The following MRC1 variants were observed in gnomAD, a reference collection of about 807,000 sequenced individuals.
MRC1 encodes the protein macrophage mannose receptor 1.
A neutral mutation model predicts 102.9 loss-of-function variants in MRC1; 62 were observed. The ratio of observed to expected loss-of-function variants is 0.60; its 90% CI spans 0.49 to 0.74. The LOEUF is 0.74. Among genes scored for constraint, MRC1 ranks in the 30% least tolerant of loss-of-function variants. The probability of loss-of-function intolerance (pLI) is 0.00; values close to 1 mark genes in which losing one functional copy is unlikely to be tolerated. For missense variants in MRC1, 1,237 were observed against 862.8 expected (o/e 1.43, Z -5.43); for synonymous variants, 457 against 298.4 (o/e 1.53, Z -5.48).
At chr10:17,905,038 G>C (rs1219104720) in intron 26 of MRC1, among the ~76,000 whole-genome samples, 1 of 152,190 alleles carries the variant, frequency 6.6e-6, no homozygotes, top group East Asian at 1.9e-4. Context: ...ACTGAGCTCT[G>C]AATCAGGTCA....
rs1030468246 is a variant in MRC1, at chr10:17,863,545, C to G, written c.1646C>G (p.Ala549Gly). 1 of 780,818 alleles carries G rather than the reference C, an allele frequency of 1.3e-6. No individual in the cohort carries two copies. Among genetic ancestry groups the G allele is most frequent in the Non-Finnish European group, 2.4e-6 (1 of 417,940 alleles). 48.4% of individuals were successfully genotyped at this position (780,818 alleles called of 1,614,324 possible). The change falls in exon 11 of 30, where the codon GCC becomes GGC. Residue 549 changes from alanine (A) to glycine (G), a missense_variant. Physicochemically the swap from Ala to Gly is moderately conservative, Grantham distance 60. Coordinates refer to ENST00000569591, the MANE Select transcript of MRC1 (RefSeq NM_002438.4). ...LTTIEDRYEQAFLTSFVGLRP... is the reference protein window; with the variant it reads ...LTTIEDRYEQGFLTSFVGLRP... ...TCTTCTTTTTAAAGATATGAACAAG[C>G]CTTCCTGACTAGTTTCGTTGGCTTA...
At chr10:17,813,997 C>A (rs938245819) in intron 1 of MRC1, among the ~76,000 whole-genome samples, 1 of 152,098 alleles carries the variant, frequency 6.6e-6, no homozygotes, top group Non-Finnish European at 1.5e-5. Context: ...CCATGCTCAA[C>A]CTTAGGTTTT....
intron 11 of MRC1, among the ~76,000 whole-genome samples, chr10:17,864,367 A>G (rs1554841367): frequency 6.6e-6 from 1 of 152,200 alleles, no homozygotes; most frequent in African/African-American, 2.4e-5. Context: ...CAGTGCAATT[A>G]GGAGTTGAAA....
intron 28 of MRC1, among the ~76,000 whole-genome samples, chr10:17,908,719 C>T (rs1377128785): frequency 6.6e-6 from 1 of 152,166 alleles, no homozygotes; most frequent in Admixed American, 6.5e-5. Flanking sequence ...CAGGCGCACG[C>T]CACTATGCCC....
chr10:17,881,604 A>G (rs1833518225), intron 21 of MRC1, among the ~76,000 whole-genome samples: 1 of 151,490 alleles, frequency 6.6e-6, no homozygotes, highest in Non-Finnish European at 1.5e-5. Context: ...TCTTCTAGTC[A>G]CTTGATCATA....
Position 17,910,653 on chromosome 10 carries a change from G to A in MRC1, c.*188G>A. ...CTGGCAAGATATTTTCATAAAAGAG[G>A]GATAACAATGCTGATTACTACCTTT... is the stretch of plus-strand genomic sequence containing the variant. On this transcript the variant is annotated 3_prime_UTR_variant, in exon 30 of 30. Coordinates refer to ENST00000569591, the MANE Select transcript of MRC1 (RefSeq NM_002438.4). The A allele has an allele frequency of 3.1e-6, 2 of 651,844 alleles. No individual in the cohort carries two copies. Among genetic ancestry groups the A allele is most frequent in the East Asian group, 2.6e-5 (1 of 38,674 alleles). The allele number at this position is 651,844 out of a possible 1,614,324, so 40.4% of individuals were successfully genotyped here.
In MRC1 at chr10:17,910,398, G is replaced by C. The variant is rs1274860886; in HGVS notation, c.4304G>C (p.Ser1435Thr). The C allele has an allele frequency of 1.3e-6, 1 of 780,602 alleles. No individual in the cohort carries two copies. The highest frequency in any genetic ancestry group is 1.7e-5 in the African/African-American group (1 of 59,086). 48.4% of individuals were successfully genotyped at this position (780,602 alleles called of 1,614,324 possible). A position where few individuals can be genotyped will look rare whatever the true frequency, so the allele number is the denominator to read the frequency against. ...ENTLYFNSQS[S>T]PGTSDMKDLV... ...ACTCTGTATTTTAACAGTCAGTCAA[G>C]CCCAGGAACTAGTGATATGAAAGAT... The change falls in exon 30 of 30, where the codon AGC (serine) becomes ACC (threonine). Residue 1435 changes from serine (S) to threonine (T), a missense_variant. Coordinates refer to ENST00000569591, the MANE Select transcript of MRC1 (RefSeq NM_002438.4).
Position 17,907,953 on chromosome 10 carries a change from T to A in MRC1, c.4078+255T>A, listed in dbSNP as rs1017147641. ...ATTTGTAATGGGATATCTGAAGGAT[T>A]TGCCAAGCTGCAAACAGTCAGGAGA... is the stretch of plus-strand genomic sequence containing the variant. On this transcript the variant is annotated intron_variant, in intron 28 of 29. Transcript: ENST00000569591. Among the ~76,000 whole-genome samples the A allele has an allele frequency of 9.8e-5, 15 of 152,324 alleles. No individual in the cohort carries two copies. In the East Asian group the frequency reaches 2.9e-3, roughly 29 times the overall value.
At chr10:17,874,610 T>C (rs943955877) in intron 16 of MRC1, among the ~76,000 whole-genome samples, 40 of 152,296 alleles carry the variant, frequency 2.6e-4, no homozygotes, top group South Asian at 1.2e-3. Context: ...ATTCCATGGG[T>C]TGGAGAAAGC....
At position 17,882,911 on chromosome 10, in the gene MRC1, T is replaced by A. The variant is rs1348317197; in HGVS notation, c.2980+1730T>A. On this transcript the variant is annotated intron_variant, in intron 21 of 29. Coordinates refer to ENST00000569591, the MANE Select transcript of MRC1 (RefSeq NM_002438.4). ...CTGGCATAGTGAAATTGAAACTGGA[T>A]AATAGAGATGTGCAGAAGGAAACAA... 2.6e-5 allele frequency among the ~76,000 whole-genome samples: 4 copies of A among 152,312 alleles called. No homozygotes were observed. In the East Asian group the frequency reaches 5.8e-4, roughly 22 times the overall value.
In MRC1 at chr10:17,880,495, A is replaced by G. The variant is rs1833498616; in HGVS notation, c.2720-30A>G. On this transcript the variant is annotated intron_variant, in intron 19 of 29. Coordinates refer to ENST00000569591, the MANE Select transcript of MRC1 (RefSeq NM_002438.4). The stretch of plus-strand genomic sequence containing the variant: ...AATGTTTTAAAACATAAACATATGA[A>G]TCTAATTTAACTATTTCTCTCTTTG... 5.1e-6 allele frequency: 4 copies of G among 780,802 alleles called. No individual in the cohort carries two copies. The South Asian group carries it at 5.4e-5, about 10-fold the overall frequency. The allele number at this position is 780,802 out of a possible 1,614,324, so 48.4% of individuals were successfully genotyped here. A position where few individuals can be genotyped will look rare whatever the true frequency, so the allele number is the denominator to read the frequency against.
chr10:17,842,635 A>G (rs1201091891), intron 5 of MRC1, among the ~76,000 whole-genome samples: 2 of 152,212 alleles, frequency 1.3e-5, no homozygotes, highest in Middle Eastern at 3.2e-3. Flanking sequence ...AGTTGGCCTC[A>G]ATCAGATTAT....
Position 17,901,438 on chromosome 10 carries a change from C to T in MRC1, c.3649+485C>T, listed in dbSNP as rs1833826874. Among the ~76,000 whole-genome samples the T allele has an allele frequency of 3.9e-5, 6 of 152,304 alleles. No homozygotes were observed. In the South Asian group the frequency reaches 1.2e-3, roughly 32 times the overall value. ...GTGCGGTGGCTCACCCCTGTAATCC[C>T]AGCACTTCGGGAGGCCGAGGCGGGC... is the stretch of plus-strand genomic sequence containing the variant. On this transcript the variant is annotated intron_variant, in intron 25 of 29. Coordinates refer to ENST00000569591, the MANE Select transcript of MRC1 (RefSeq NM_002438.4).
intron 22 of MRC1, among the ~76,000 whole-genome samples, chr10:17,888,907 C>G (rs1473813468): frequency 3.9e-5 from 6 of 152,072 alleles, no homozygotes; most frequent in Non-Finnish European, 7.4e-5. Context: ...TTTATCTTTG[C>G]AGTTCTATCA....
intron 1 of MRC1, among the ~76,000 whole-genome samples, chr10:17,819,753 G>C (rs1455125071): frequency 6.6e-6 from 1 of 152,022 alleles, no homozygotes; most frequent in East Asian, 1.9e-4. Context: ...GACCAACCTA[G>C]GCAACAAAGT....
chr10:17,840,078 A>AG (rs1838727982), intron 4 of MRC1, among the ~76,000 whole-genome samples: 1 of 151,332 alleles, frequency 6.6e-6, no homozygotes, highest in Non-Finnish European at 1.5e-5. Context: ...AAAAAAAAAA[A>AG]AAAAAGAGCG....
At chr10:17,856,683 C>T (rs1833097875) in intron 9 of MRC1, among the ~76,000 whole-genome samples, 1 of 152,100 alleles carries the variant, frequency 6.6e-6, no homozygotes, top group African/African-American at 2.4e-5. Flanking sequence ...TGTCATCCAC[C>T]TTCTATAGTA....
chr10:17,907,445 T>C (rs1833910824), intron 27 of MRC1, 89 bp from the exon 28 acceptor site: 2 of 772,900 alleles, frequency 2.6e-6, no homozygotes, highest in South Asian at 1.4e-5. Flanking sequence ...TAAAAGAATA[T>C]GCTTAGAAAT....
chr10:17,881,175 G>A lies in MRC1; in HGVS notation c.2974G>A (p.Glu992Lys). 1.3e-6 allele frequency: 1 copy of A among 780,426 alleles called. No homozygotes were observed. Among genetic ancestry groups the A allele is most frequent in the Non-Finnish European group, 2.4e-6 (1 of 417,868 alleles). 48.3% of individuals were successfully genotyped at this position (780,426 alleles called of 1,614,324 possible). The change falls in exon 21 of 30, where the codon GAG (glutamate) becomes AAG (lysine). Residue 992 changes from glutamate (E) to lysine (K), a missense_variant. By Grantham distance (56) the Glu-to-Lys change is moderately conservative. Coordinates refer to ENST00000569591, the MANE Select transcript of MRC1 (RefSeq NM_002438.4). ...TCTGGTCTCCATACAAAATGAAAAA[G>A]AGCAAGGTAGGCAGGCCATTTTGCA... ...GNLVSIQNEK[E>K]QAFLTYHMKD...
Sources: allele counts gnomAD v4.1 joint callset (sites outside exome capture counted in the v4.1 genomes callset), GRCh38; gene constraint gnomAD v4.1.1; transcripts MANE v1.5; gene names NCBI Gene and HGNC (gene_info 2026-07-23, HGNC 2026-07-21).